SCUBE2: variants seen among roughly 807,000 people sequenced by gnomAD.
SCUBE2 encodes the protein signal peptide, CUB domain and EGF like domain containing 2.
SCUBE2 carries 114 observed loss-of-function variants against 125.9 expected under a neutral mutation model. The observed-to-expected ratio is 0.91, with a 90% CI of 0.78 to 1.06. SCUBE2 has a LOEUF of 1.06. Among genes scored for constraint, SCUBE2 ranks in the 50% least tolerant of loss-of-function variants. The pLI, the probability that SCUBE2 is intolerant of heterozygous loss-of-function variation, is 0.00. For missense variants in SCUBE2, 1,255 were observed against 1,301.8 expected (o/e 0.96, Z 0.55); for synonymous variants, 459 against 492.9 (o/e 0.93, Z 0.91).
chr11:9,048,532 T>C (rs527704641), intron 14 of SCUBE2, among the ~76,000 whole-genome samples: 6 of 152,354 alleles, frequency 3.9e-5, no homozygotes, highest in South Asian at 4.1e-4. Context: ...AACCAACTAC[T>C]GCTTTCAGGC....
At chr11:9,032,763 G>A (rs1268496787) in intron 17 of SCUBE2, among the ~76,000 whole-genome samples, 4 of 152,114 alleles carry the variant, frequency 2.6e-5, no homozygotes. Flanking sequence ...TCACATACAA[G>A]GGTAAATTCA....
At chr11:9,042,803 C>T (rs547789937) in intron 16 of SCUBE2, among the ~76,000 whole-genome samples, 1 of 152,350 alleles carries the variant, frequency 6.6e-6, no homozygotes, top group African/African-American at 2.4e-5. Context: ...TTCCCCTTCT[C>T]AGTCCCCAAT....
chr11:9,060,087 T>C (rs1195378185), intron 8 of SCUBE2, among the ~76,000 whole-genome samples: 2 of 152,254 alleles, frequency 1.3e-5, no homozygotes, highest in African/African-American at 4.8e-5. Context: ...ATGTATGATA[T>C]GTTGATATTA....
rs3763901 is a variant in SCUBE2, at chr11:9,074,428, G to A, written c.517+53C>T. The A allele has an allele frequency of 4.6e-4, 739 of 1,603,768 alleles. 8 individuals are homozygous for A. The East Asian group carries it at 0.015, about 33-fold the overall frequency. Reference sequence around the variant, plus strand: ...AGTCAGTGTGTGTGTGCGCGTGCAAGGGAGAGGGTCTCAGATGTGGCTCTG... The same window carrying A: ...AGTCAGTGTGTGTGTGCGCGTGCAAAGGAGAGGGTCTCAGATGTGGCTCTG... On this transcript the variant is annotated intron_variant, in intron 4 of 22. Transcript: ENST00000649792.
rs111360516 is a variant in SCUBE2 at position 9,054,083 on chromosome 11, G to A, written c.1208-324C>T. Among the ~76,000 whole-genome samples the A allele has an allele frequency of 7.9e-3, 1,115 of 141,184 alleles. 10 individuals are homozygous for A. The highest frequency in any genetic ancestry group is 0.014 in the Admixed American group (180 of 12,866). The allele number at this position is 141,184 out of a possible 152,430, so 92.6% of individuals were successfully genotyped here. A position where few individuals can be genotyped will look rare whatever the true frequency, so the allele number is the denominator to read the frequency against. On this transcript the variant is annotated intron_variant, in intron 10 of 22. Transcript: ENST00000649792. Reference sequence around the variant, plus strand: ...ACCATCTCAGCTCACTGCAACCTCCGTCTCCCAGCTTCAAGCAATTCTCCT... The same window carrying A: ...ACCATCTCAGCTCACTGCAACCTCCATCTCCCAGCTTCAAGCAATTCTCCT...
chr11:9,035,108 T>C (rs765512958), intron 16 of SCUBE2, among the ~76,000 whole-genome samples: 29 of 152,248 alleles, frequency 1.9e-4, no homozygotes, highest in Non-Finnish European at 2.1e-4. Flanking sequence ...TTGTACCTTA[T>C]GTTAGGCTAT....
chr11:9,027,234 A>T, intron 20 of SCUBE2, 130 bp downstream of exon 20: 1 of 845,794 alleles, frequency 1.2e-6, no homozygotes, highest in Non-Finnish European at 1.9e-6. Flanking sequence ...CAACTCTATA[A>T]ACTCATGTTC....
Position 9,020,617 on chromosome 11 carries a change from T to C in SCUBE2, c.*428A>G, listed in dbSNP as rs1855226138. 1 of 152,250 alleles carries C rather than the reference T, an allele frequency of 6.6e-6. No individual in the cohort carries two copies. Among genetic ancestry groups the C allele is most frequent in the Admixed American group, 6.6e-5 (1 of 15,260 alleles). The allele number at this position is 152,250 out of a possible 1,614,324, so 9.4% of individuals were successfully genotyped here. ...TGCCTGGTCAGAGCCTGCACACGAGTGCAGAGGGCTCCCTTAGAGAGGGCC... is the reference window on the plus strand; with the variant it reads ...TGCCTGGTCAGAGCCTGCACACGAGCGCAGAGGGCTCCCTTAGAGAGGGCC... On this transcript the variant is annotated 3_prime_UTR_variant, in exon 23 of 23. Coordinates refer to ENST00000649792, the MANE Select transcript of SCUBE2 (RefSeq NM_001367977.2).
chr11:9,053,351 GC>G, intron 11 of SCUBE2, 136 bp from the exon 12 acceptor site: 2 of 779,834 alleles, frequency 2.6e-6, no homozygotes, highest in Non-Finnish European at 4.1e-6. Flanking sequence ...TAGATGCTAG[GC>G]CTTATTCCCA....
chr11:9,022,979 G>T (rs928753138), intron 21 of SCUBE2, among the ~76,000 whole-genome samples: 2 of 151,920 alleles, frequency 1.3e-5, no homozygotes, highest in African/African-American at 2.4e-5. Context: ...AATTTGGCTG[G>T]TCGGGGAGGA....
chr11:9,081,599 C>A (rs1260092656), intron 2 of SCUBE2, among the ~76,000 whole-genome samples: 3 of 151,958 alleles, frequency 2.0e-5, no homozygotes, highest in Non-Finnish European at 4.4e-5. Context: ...GTGAGAGGAT[C>A]GCTTGAGACC....
At chr11:9,043,858 TA>T (rs1857454784) in intron 16 of SCUBE2, among the ~76,000 whole-genome samples, 1 of 151,134 alleles carries the variant, frequency 6.6e-6, no homozygotes. Context: ...CAATGATAAA[TA>T]ATCCATGTTA....
chr11:9,086,153 A>G (rs963950414), intron 2 of SCUBE2, among the ~76,000 whole-genome samples: 6 of 152,250 alleles, frequency 3.9e-5, no homozygotes, highest in African/African-American at 1.4e-4. Flanking sequence ...AGTAAGAACC[A>G]TACAATAAAT....
At chr11:9,058,879 G>A (rs1859379621) in intron 9 of SCUBE2, among the ~76,000 whole-genome samples, 1 of 152,188 alleles carries the variant, frequency 6.6e-6, no homozygotes, top group African/African-American at 2.4e-5. Flanking sequence ...TTAACTCCAA[G>A]TTTTTGCTAG....
Position 9,047,320 on chromosome 11 carries a change from G to T in SCUBE2, c.2002+36C>A, listed in dbSNP as rs767164882. ...ACCCTGAGTGTTTATGGAGCCCAAG[G>T]CTGTTCTGTTAGCAAGAATGTCCCA... On this transcript the variant is annotated intron_variant, in intron 16 of 22. Transcript: ENST00000649792. 3 of 1,608,624 alleles carry T rather than the reference G, an allele frequency of 1.9e-6. No individual in the cohort carries two copies. In the Admixed American group the frequency reaches 5.0e-5, roughly 27 times the overall value.
chr11:9,064,769 A>G (rs969053267), intron 7 of SCUBE2: 3 of 152,218 alleles, frequency 2.0e-5, no homozygotes, highest in Non-Finnish European at 4.4e-5. Context: ...CTGCTTGGTA[A>G]CCAATGGCTG....
chr11:9,067,817 T>C (rs958156847), intron 5 of SCUBE2, among the ~76,000 whole-genome samples: 3 of 152,224 alleles, frequency 2.0e-5, no homozygotes, highest in Non-Finnish European at 4.4e-5. Flanking sequence ...AGTGATATCT[T>C]AAAGACATTT....
Position 9,021,121 on chromosome 11 carries a change from G to T in SCUBE2, c.3011C>A (p.Ser1004Tyr), listed in dbSNP as rs1284067354. ...GAACGATCTTGGAAACATCTCTCGG[G>T]ACTCCTGGGCTGTGTACTTGAAATA... ...QNYFKYTAQE[S>Y]REMFPRSFIR... is the part of the protein sequence containing the mutation. Residue 1004 changes from serine (S) to tyrosine (Y), a missense_variant, in exon 23 of 23, where the codon TCC (serine) becomes TAC (tyrosine). By Grantham distance (144) the Ser-to-Tyr change is moderately radical. Coordinates refer to ENST00000649792, the MANE Select transcript of SCUBE2 (RefSeq NM_001367977.2). 1 of 1,613,722 alleles carries T rather than the reference G, an allele frequency of 6.2e-7. No individual in the cohort carries two copies. Among genetic ancestry groups the T allele is most frequent in the East Asian group, 2.2e-5 (1 of 44,876 alleles).
At chr11:9,023,301 T>TAATA (rs1855463480) in intron 21 of SCUBE2, among the ~76,000 whole-genome samples, 1 of 152,252 alleles carries the variant, frequency 6.6e-6, no homozygotes, top group African/African-American at 2.4e-5. Flanking sequence ...AGTAATGGTA[T>TAATA]AATAGTCACA....
Sources: allele counts gnomAD v4.1 joint callset (sites outside exome capture counted in the v4.1 genomes callset), GRCh38; gene constraint gnomAD v4.1.1; transcripts MANE v1.5; gene names NCBI Gene and HGNC (gene_info 2026-07-23, HGNC 2026-07-21).